Variants in KCNG2 observed in about 807,000 individuals in gnomAD.
KCNG2 encodes potassium voltage-gated channel modifier subfamily G member 2.
KCNG2 carries 7 observed loss-of-function variants against 12.3 expected under a neutral mutation model. That is an observed-to-expected ratio of 0.57 (90% CI 0.32 to 1.07). KCNG2 has a LOEUF of 1.07. Among genes scored for constraint, KCNG2 ranks in the 50% least tolerant of loss-of-function variants. KCNG2 has a pLI of 0.04. For synonymous variants in KCNG2, 414 were observed against 351.4 expected, an observed-to-expected ratio of 1.18 and a Z score of -1.99; for missense variants, 703 against 726.0, an observed-to-expected ratio of 0.97 and a Z score of 0.36.
At chr18:79,849,118 G>A (rs1032096922) in intron 1 of KCNG2, among the ~76,000 whole-genome samples, 3 of 151,988 alleles carry the variant, frequency 2.0e-5, no homozygotes, top group Non-Finnish European at 4.4e-5. Context: ...CCTCCACATC[G>A]AGCCCCTCTG....
intron 1 of KCNG2, among the ~76,000 whole-genome samples, chr18:79,798,636 G>A (rs990124350): frequency 6.6e-6 from 1 of 152,366 alleles, no homozygotes; most frequent in Non-Finnish European, 1.5e-5. Flanking sequence ...GCCCGAATTG[G>A]GGGAGAGAAG....
chr18:79,885,218 ATGTC>A (rs1447374214), intron 3 of KCNG2, among the ~76,000 whole-genome samples: 2 of 152,106 alleles, frequency 1.3e-5, no homozygotes, highest in African/African-American at 4.8e-5. Context: ...AAAACCCTGA[ATGTC>A]TGTTAAAAAG....
chr18:79,871,636 C>T (rs576267266), intron 3 of KCNG2, among the ~76,000 whole-genome samples: 73 of 152,290 alleles, frequency 4.8e-4, no homozygotes, highest in African/African-American at 1.7e-3. Context: ...GGTGGCCCCC[C>T]GCGTCTGGGA....
At chr18:79,845,776 T>G (rs1201797763) in intron 1 of KCNG2, among the ~76,000 whole-genome samples, 10 of 152,234 alleles carry the variant, frequency 6.6e-5, no homozygotes, top group Non-Finnish European at 1.5e-4. Flanking sequence ...TTATAATTTA[T>G]GGAACTTTGG....
At chr18:79,801,061 G>A (rs918151171) in intron 1 of KCNG2, among the ~76,000 whole-genome samples, 3 of 152,314 alleles carry the variant, frequency 2.0e-5, no homozygotes, top group Middle Eastern at 3.4e-3. Flanking sequence ...TGTCCGGGGC[G>A]GCCAAGAGAT....
intron 1 of KCNG2, among the ~76,000 whole-genome samples, chr18:79,819,561 G>A (rs147248313): frequency 1.1e-4 from 16 of 152,302 alleles, no homozygotes; most frequent in Admixed American, 7.8e-4. Flanking sequence ...CAATGTTCAC[G>A]CCGCGGGGTT....
rs1343682098 is a variant in KCNG2, at chr18:79,800,976, T to A, written c.-115+2962T>A. Among the ~76,000 whole-genome samples the A allele has an allele frequency of 1.3e-5, 2 of 152,228 alleles. No individual in the cohort carries two copies. Among genetic ancestry groups the A allele is most frequent in the African/African-American group, 4.8e-5 (2 of 41,462 alleles). On this transcript the variant is annotated intron_variant, in intron 1 of 3. Transcript: ENST00000316249. This position sits in a 1 kb window ranked among gnomAD's most constrained non-coding sequence, Gnocchi z 4.0. ...CCATGCCAGGCAGCTGCCAACAGTC[T>A]GGCCACGAGGAGCTCCGTGCTGTTG...
intron 1 of KCNG2, among the ~76,000 whole-genome samples, chr18:79,823,371 C>T (rs2087586658): frequency 1.3e-5 from 2 of 152,314 alleles, no homozygotes; most frequent in African/African-American, 4.8e-5. Flanking sequence ...TGGGGTTGCA[C>T]AGAGGTCATT....
intron 1 of KCNG2, among the ~76,000 whole-genome samples, chr18:79,828,369 T>G (rs1165034051): frequency 1.3e-5 from 2 of 152,142 alleles, no homozygotes; most frequent in Non-Finnish European, 2.9e-5. Context: ...TGTGTGCAGG[T>G]GTGTGTGTGT....
intron 3 of KCNG2, among the ~76,000 whole-genome samples, chr18:79,891,021 T>C (rs1395656053): frequency 6.6e-6 from 1 of 152,184 alleles, no homozygotes. Context: ...TTTGGTTTCA[T>C]TGGTTTCTCT....
At chr18:79,824,462 C>T (rs930700507) in intron 1 of KCNG2, among the ~76,000 whole-genome samples, 1 of 152,192 alleles carries the variant, frequency 6.6e-6, no homozygotes. Flanking sequence ...CAAAGAGAGA[C>T]GGTTTCACCC....
chr18:79,889,950 CT>C (rs1168973347), intron 3 of KCNG2, among the ~76,000 whole-genome samples: 1 of 152,146 alleles, frequency 6.6e-6, no homozygotes, highest in Non-Finnish European at 1.5e-5. Context: ...TTGTCAAAAG[CT>C]TTTTTTCTTC....
Position 79,884,423 on chromosome 18 carries a change from C to T in KCNG2, c.625-14617C>T, listed in dbSNP as rs1046503197. Among the ~76,000 whole-genome samples the T allele has an allele frequency of 1.1e-4, 17 of 152,224 alleles. No homozygotes were observed. Among genetic ancestry groups the T allele is most frequent in the African/African-American group, 3.6e-4 (15 of 41,460 alleles). On this transcript the variant is annotated intron_variant, in intron 3 of 3. Coordinates refer to ENST00000316249, the MANE Select transcript of KCNG2 (RefSeq NM_012283.2). This position sits in a 1 kb window ranked among gnomAD's most constrained non-coding sequence, Gnocchi z 5.5. Reference sequence around the variant, plus strand: ...CGGTGAGGGCGCCTCTGCTCAACCCCGGCCTGGCAGGGACTGGCTGGTTCC... The same window carrying T: ...CGGTGAGGGCGCCTCTGCTCAACCCTGGCCTGGCAGGGACTGGCTGGTTCC...
At chr18:79,863,387 T>C (rs1378654269) in intron 2 of KCNG2, among the ~76,000 whole-genome samples, 1 of 152,234 alleles carries the variant, frequency 6.6e-6, no homozygotes, top group Non-Finnish European at 1.5e-5. Context: ...AACCCGGCTG[T>C]TCCCTTGGTG....
chr18:79,802,501 G>T (rs1186568661), intron 1 of KCNG2, among the ~76,000 whole-genome samples: 1 of 152,212 alleles, frequency 6.6e-6, no homozygotes, highest in Admixed American at 6.5e-5. Flanking sequence ...CTGCAGCATC[G>T]GCCCTAGTGG....
At position 79,870,955 on chromosome 18, in the gene KCNG2, G is replaced by A. The variant is rs549522943; in HGVS notation, c.624+6664G>A. ...CTGATTGGCAGGCGTCAGCTCACCC[G>A]GTCCTGGAGGCTGGAGGCCCCACGC... is the stretch of plus-strand genomic sequence containing the variant. On this transcript the variant is annotated intron_variant, in intron 3 of 3. Coordinates refer to ENST00000316249, the MANE Select transcript of KCNG2 (RefSeq NM_012283.2). Among the ~76,000 whole-genome samples the A allele has an allele frequency of 4.6e-5, 7 of 152,212 alleles. No homozygotes were observed. In the East Asian group the frequency reaches 9.7e-4, roughly 21 times the overall value.
intron 1 of KCNG2, among the ~76,000 whole-genome samples, chr18:79,848,921 A>G (rs112544282): frequency 2.1e-4 from 32 of 152,238 alleles, no homozygotes; most frequent in African/African-American, 7.2e-4. Context: ...CCCACGGCAT[A>G]GGCTGTTAGG....
intron 3 of KCNG2, among the ~76,000 whole-genome samples, chr18:79,887,317 G>GGAGGCCGCCCTGGGCCA (rs1360582844): frequency 2.6e-5 from 4 of 152,026 alleles, no homozygotes; most frequent in African/African-American, 9.7e-5. Flanking sequence ...CAGCAGAGGC[G>GGAGGCCGCCCTGGGCCA]GAGGCCGCCC....
Position 79,803,450 on chromosome 18 carries a change from A to G in KCNG2, c.-115+5436A>G, listed in dbSNP as rs1254038205. On this transcript the variant is annotated intron_variant, in intron 1 of 3. Transcript: ENST00000316249. The surrounding 1 kb of genome is among the most constrained non-coding windows in gnomAD (Gnocchi z 4.5). Reference sequence around the variant, plus strand: ...CATCTTCTAGAAGAGGGAAGATAGGAAATATGTATCATTGGCTTCTTTAAT... The same window carrying G: ...CATCTTCTAGAAGAGGGAAGATAGGGAATATGTATCATTGGCTTCTTTAAT... Among the ~76,000 whole-genome samples, 1 of 152,234 alleles carries G rather than the reference A, an allele frequency of 6.6e-6. No homozygotes were observed. The highest frequency in any genetic ancestry group is 2.4e-5 in the African/African-American group (1 of 41,472).
Sources: gnomAD v4.1 joint callset for allele counts (sites outside exome capture counted in the v4.1 genomes callset) on GRCh38, gnomAD v4.1.1 for gene constraint, Gnocchi (gnomAD v3.1) non-coding constraint, MANE v1.5 for transcripts, NCBI Gene and HGNC (gene_info 2026-07-23, HGNC 2026-07-21) for gene names.